The following SORBS2 variants were observed in gnomAD, a reference collection of about 807,000 sequenced individuals.
SORBS2 encodes sorbin and SH3 domain containing 2.
A neutral mutation model predicts 97.7 loss-of-function variants in SORBS2; 46 were observed. That is an observed-to-expected ratio of 0.47 (90% CI 0.37 to 0.60). SORBS2 has a LOEUF of 0.60. Among genes scored for constraint, SORBS2 ranks in the 20% least tolerant of loss-of-function variants. The pLI is 0.00. For missense variants in SORBS2, 1,316 were observed against 1,282.3 expected, an observed-to-expected ratio of 1.03 and a Z score of -0.40; for synonymous variants, 476 against 473.4, an observed-to-expected ratio of 1.01 and a Z score of -0.07.
At chr4:185,809,256 A>C (rs755769885) in intron 1 of SORBS2, among the ~76,000 whole-genome samples, 2 of 151,848 alleles carry the variant, frequency 1.3e-5, no homozygotes, top group Non-Finnish European at 2.9e-5. Flanking sequence ...AGAGGCCAGC[A>C]AAGCTCTGGA....
At chr4:185,857,645 A>G (rs2099221286) in intron 1 of SORBS2, among the ~76,000 whole-genome samples, 1 of 152,246 alleles carries the variant, frequency 6.6e-6, no homozygotes, top group South Asian at 2.1e-4. Context: ...TAGGAGAAAT[A>G]TCACTGAATT....
chr4:185,759,170 A>G (rs1183439078), intron 2 of SORBS2, among the ~76,000 whole-genome samples: 5 of 152,202 alleles, frequency 3.3e-5, no homozygotes, highest in Non-Finnish European at 5.9e-5. Flanking sequence ...CTAGGTTTAG[A>G]AATGAAGCAC....
chr4:185,827,270 T>C (rs1561211111), intron 1 of SORBS2, among the ~76,000 whole-genome samples: 2 of 128,788 alleles, frequency 1.6e-5, no homozygotes, highest in Non-Finnish European at 3.4e-5. Context: ...ATCATCACCA[T>C]CATCACCATC....
chr4:185,680,788 A>G (rs2153503571), intron 2 of SORBS2, among the ~76,000 whole-genome samples: 2 of 152,194 alleles, frequency 1.3e-5, no homozygotes, highest in South Asian at 4.2e-4. Context: ...AGGACACTAG[A>G]AATAAACTCC....
chr4:185,840,002 AG>A, intron 1 of SORBS2, among the ~76,000 whole-genome samples: 1 of 19,096 alleles, frequency 5.2e-5, no homozygotes, highest in East Asian at 0.1. Context: ...ACCCTGTGGA[AG>A]AAAGAAGTGG....
intron 1 of SORBS2, among the ~76,000 whole-genome samples, chr4:185,947,769 C>T (rs567256889): frequency 2.0e-5 from 3 of 152,280 alleles, no homozygotes. Flanking sequence ...TGTCACCACA[C>T]CCAGGTAATT....
In SORBS2 at chr4:185,607,395, G is replaced by C; in HGVS notation, c.2796+4385C>G. On this transcript the variant is annotated intron_variant, in intron 12 of 14. Coordinates refer to ENST00000418609, the Ensembl canonical transcript of SORBS2. The surrounding 1 kb of genome is among the most constrained non-coding windows in gnomAD (Gnocchi z 5.2). ...ATGAAGTTAAGAAAAAATAAACTAA[G>C]AAAATAATAATAATGCATCAAAACA... 1 of 1,032,818 alleles carries C rather than the reference G, an allele frequency of 9.7e-7. No individual in the cohort carries two copies. Among genetic ancestry groups the C allele is most frequent in the Non-Finnish European group, 1.3e-6 (1 of 756,698 alleles). 64.0% of individuals were successfully genotyped at this position (1,032,818 alleles called of 1,614,324 possible). A position where few individuals can be genotyped will look rare whatever the true frequency, so the allele number is the denominator to read the frequency against.
intron 4 of SORBS2, among the ~76,000 whole-genome samples, chr4:185,637,144 T>C (rs373824349): frequency 2.6e-4 from 39 of 152,280 alleles, no homozygotes; most frequent in African/African-American, 8.9e-4. Flanking sequence ...TGTTGCATAA[T>C]GACGTTTCCG....
intron 2 of SORBS2, among the ~76,000 whole-genome samples, chr4:185,719,200 G>A (rs2098491361): frequency 6.6e-6 from 1 of 152,262 alleles, no homozygotes; most frequent in East Asian, 1.9e-4. Flanking sequence ...ACCGAGAAAA[G>A]AGAAAAGAAA....
intron 2 of SORBS2, among the ~76,000 whole-genome samples, chr4:185,732,976 G>A (rs1403753985): frequency 6.6e-6 from 1 of 152,230 alleles, no homozygotes; most frequent in Non-Finnish European, 1.5e-5. Flanking sequence ...AGGACTGCCA[G>A]CAACCACCAG....
chr4:185,683,383 C>A lies in SORBS2; in HGVS notation c.-197-4561G>T, dbSNP rs2097903183. ...CTGGTACGTGCGTCAAGGTTCACGT[C>A]TGAGTAGGTTGGACTGAGATCCTAT... On this transcript the variant is annotated intron_variant, in intron 2 of 20. Coordinates refer to the SORBS2 transcript ENST00000284776. 2.6e-5 allele frequency among the ~76,000 whole-genome samples: 4 copies of A among 152,158 alleles called. No homozygotes were observed. In the South Asian group the frequency reaches 8.3e-4, roughly 32 times the overall value.
chr4:185,821,223 G>C (rs1485543272), intron 1 of SORBS2, among the ~76,000 whole-genome samples: 2 of 152,194 alleles, frequency 1.3e-5, no homozygotes, highest in African/African-American at 4.8e-5. Context: ...TGCCTGGGAA[G>C]CCAGGGACAG....
intron 1 of SORBS2, among the ~76,000 whole-genome samples, chr4:185,912,585 CAAAAAAAAAAAAAAAAA>C (rs60906233): frequency 1.6e-5 from 1 of 64,372 alleles, no homozygotes; most frequent in African/African-American, 6.4e-5. Context: ...AACTCCATCT[CAAAAAAAAAAAAAAAAA>C]AAAAAAAAAG....
intron 1 of SORBS2, among the ~76,000 whole-genome samples, chr4:185,955,360 C>T (rs903042428): frequency 2.0e-5 from 3 of 152,140 alleles, no homozygotes; most frequent in Non-Finnish European, 2.9e-5. Context: ...CTGAATCTTG[C>T]CTACTGTATA....
chr4:185,657,230 C>T (rs2097421746), upstream of SORBS2: 1 of 463,104 alleles, frequency 2.2e-6, no homozygotes, highest in African/African-American at 2.0e-5. Context: ...AATGGAAAAA[C>T]AGATTGTGTA....
intron 2 of SORBS2, among the ~76,000 whole-genome samples, chr4:185,763,678 G>A (rs1166143846): frequency 6.6e-6 from 1 of 152,078 alleles, no homozygotes. Context: ...GTATAATTTT[G>A]CCTTCCTTAC....
intron 1 of SORBS2, among the ~76,000 whole-genome samples, chr4:185,831,040 G>A (rs1414434683): frequency 1.3e-5 from 2 of 151,980 alleles, no homozygotes; most frequent in African/African-American, 4.8e-5. Flanking sequence ...CATTCAACAC[G>A]GTGTTTCAGA....
chr4:185,910,960 T>A (rs10001261), intron 1 of SORBS2, among the ~76,000 whole-genome samples: 109,420 of 150,428 alleles, frequency 0.73, 39,706 homozygotes, highest in Middle Eastern at 0.84. Flanking sequence ...TTTGATTTTT[T>A]AAAAAAAAAA....
At chr4:185,610,569 C>T (rs1580890659) in intron 12 of SORBS2, among the ~76,000 whole-genome samples, 1 of 152,012 alleles carries the variant, frequency 6.6e-6, no homozygotes, top group East Asian at 1.9e-4. Context: ...AAGACTTCAG[C>T]CTTCTAAAAA....
Sources: gnomAD v4.1 joint callset for allele counts (sites outside exome capture counted in the v4.1 genomes callset) on GRCh38, gnomAD v4.1.1 for gene constraint, Gnocchi (gnomAD v3.1) non-coding constraint, MANE v1.5 for transcripts, NCBI Gene and HGNC (gene_info 2026-07-23, HGNC 2026-07-21) for gene names.